The following TMPRSS12 variants were observed in gnomAD, a reference collection of about 807,000 sequenced individuals.
The protein encoded by TMPRSS12 is transmembrane serine protease 12.
TMPRSS12 carries 25 observed loss-of-function variants against 26.0 expected under a neutral mutation model. The observed-to-expected ratio is 0.96, with a 90% confidence interval of 0.70 to 1.34. TMPRSS12 has a LOEUF of 1.34. Ranked by LOEUF, TMPRSS12 falls within the 40% of genes most tolerant of loss-of-function variation. TMPRSS12 has a pLI of 0.00. For missense variants in TMPRSS12, 441 were observed against 440.1 expected, an observed-to-expected ratio of 1.00 and a Z score of -0.02; for synonymous variants, 150 against 161.7, an observed-to-expected ratio of 0.93 and a Z score of 0.55.
chr12:50,859,004 C>T lies in TMPRSS12; in HGVS notation c.603C>T (p.Asp201=), dbSNP rs180975905. 68 of 1,602,538 alleles carry T rather than the reference C, an allele frequency of 4.2e-5. No individual in the cohort carries two copies. Among genetic ancestry groups the T allele is most frequent in the Non-Finnish European group, 5.0e-5 (59 of 1,175,126 alleles). ...CLPFDVFQIL[D]GNTKCFISGW... is the part of the protein sequence containing the mutation. ...CTTTTGATGTTTTCCAAATCCTGGACGGAAACACAAAGTGTTTTATAAGTG... is the reference window on the plus strand; with the variant it reads ...CTTTTGATGTTTTCCAAATCCTGGATGGAAACACAAAGTGTTTTATAAGTG... The change falls in exon 3 of 5, where the codon GAC becomes GAT. Residue 201 remains aspartate, a synonymous_variant. Coordinates refer to ENST00000398458, the MANE Select transcript of TMPRSS12 (RefSeq NM_182559.3).
rs57415141 is a variant in TMPRSS12, at chr12:50,847,978, C to T, written c.383+3941C>T. On this transcript the variant is annotated intron_variant, in intron 2 of 4. Coordinates refer to ENST00000398458, the MANE Select transcript of TMPRSS12 (RefSeq NM_182559.3). ...AGATGCTTAGGTCTGAGTTCTTTCA[C>T]CAGTAATATGAGGTACGGGACTACT... 6 of 151,860 alleles carry T rather than the reference C, an allele frequency of 4.0e-5. No homozygotes were observed. The East Asian group carries it at 1.2e-3, about 29-fold the overall frequency. 9.4% of individuals were successfully genotyped at this position (151,860 alleles called of 1,614,324 possible).
At chr12:50,874,329 A>C (rs1368921253) in intron 3 of TMPRSS12, among the ~76,000 whole-genome samples, 5 of 152,188 alleles carry the variant, frequency 3.3e-5, no homozygotes, top group African/African-American at 4.8e-5. Context: ...AAATGTTAGC[A>C]AACTGAATAC....
At chr12:50,852,310 A>G (rs911887792) in intron 2 of TMPRSS12, among the ~76,000 whole-genome samples, 4 of 152,260 alleles carry the variant, frequency 2.6e-5, no homozygotes, top group South Asian at 4.1e-4. Flanking sequence ...CTCACATGCA[A>G]TGACATCCAT....
At chr12:50,872,649 C>T (rs566709036) in intron 3 of TMPRSS12, among the ~76,000 whole-genome samples, 1 of 52,466 alleles carries the variant, frequency 1.9e-5, no homozygotes, top group Non-Finnish European at 3.5e-5. Flanking sequence ...CGTATATGTA[C>T]ATATATGACG....
chr12:50,843,021 C>T lies in TMPRSS12; in HGVS notation c.57C>T (p.Tyr19=). 3.1e-6 allele frequency: 5 copies of T among 1,606,752 alleles called. No individual in the cohort carries two copies. The highest frequency in any genetic ancestry group is 4.2e-6 in the Non-Finnish European group (5 of 1,176,892). The change falls in exon 1 of 5, where the codon TAC becomes TAT. Residue 19 remains tyrosine, a synonymous_variant. Transcript: ENST00000398458. ...TGTTTGTGGGGAGCTCTCACTTATA[C>T]TCAGACCACTACTCGCCCTCTGGAA... ...ALLFVGSSHL[Y]SDHYSPSGRH...
At chr12:50,887,237 C>T (rs1486120261) in intron 4 of TMPRSS12, 25 bp from the exon 5 acceptor site, 3 of 1,604,894 alleles carry the variant, frequency 1.9e-6, no homozygotes, top group African/African-American at 1.3e-5. Context: ...AAGTAACAAA[C>T]ACTATTTTGG....
intron 3 of TMPRSS12, among the ~76,000 whole-genome samples, chr12:50,862,698 G>A (rs1293550509): frequency 6.6e-6 from 1 of 152,010 alleles, no homozygotes; most frequent in Non-Finnish European, 1.5e-5. Flanking sequence ...GTTAATTTTT[G>A]TATTTTTAGT....
At chr12:50,866,511 A>AG (rs904991458) in intron 3 of TMPRSS12, among the ~76,000 whole-genome samples, 1 of 151,562 alleles carries the variant, frequency 6.6e-6, no homozygotes, top group African/African-American at 2.4e-5. Flanking sequence ...AGACATGCCT[A>AG]GCCCCACCCC....
At chr12:50,859,874 T>G (rs773003620) in intron 3 of TMPRSS12, among the ~76,000 whole-genome samples, 1 of 152,226 alleles carries the variant, frequency 6.6e-6, no homozygotes, top group Non-Finnish European at 1.5e-5. Context: ...CTCAGAATGT[T>G]CTCCATCATT....
intron 4 of TMPRSS12, 42 bp downstream of exon 4, chr12:50,885,430 A>G (rs1487889285): frequency 1.9e-6 from 3 of 1,612,058 alleles, no homozygotes; most frequent in African/African-American, 1.3e-5. Flanking sequence ...TTCTGAAGCC[A>G]GAAGGGAACT....
intron 3 of TMPRSS12, among the ~76,000 whole-genome samples, chr12:50,864,758 C>T (rs915787113): frequency 4.6e-5 from 7 of 152,132 alleles, no homozygotes; most frequent in South Asian, 2.1e-4. Flanking sequence ...CCAGGGTTCA[C>T]GCCATTCTCC....
At chr12:50,883,681 G>A (rs781479306) in intron 3 of TMPRSS12, among the ~76,000 whole-genome samples, 11 of 152,124 alleles carry the variant, frequency 7.2e-5, no homozygotes, top group Non-Finnish European at 1.6e-4. Context: ...GTCTCAAAAA[G>A]TAAATAAATA....
At chr12:50,847,726 T>C (rs1302247157) in intron 2 of TMPRSS12, among the ~76,000 whole-genome samples, 1 of 151,816 alleles carries the variant, frequency 6.6e-6, no homozygotes, top group Non-Finnish European at 1.5e-5. Flanking sequence ...TGAAACCCTG[T>C]CTCTACTAGA....
At position 50,872,930 on chromosome 12, in the gene TMPRSS12, G is replaced by GACGTATATATGTACATATATATGACGTA. The variant is rs1555206517; in HGVS notation, c.653-12316_653-12315insACGTATATATGTACATATATATGACGTA. Among the ~76,000 whole-genome samples the GACGTATATATGTACATATATATGACGTA allele has an allele frequency of 2.8e-4, 18 of 64,150 alleles. 3 individuals are homozygous for GACGTATATATGTACATATATATGACGTA. Among genetic ancestry groups the GACGTATATATGTACATATATATGACGTA allele is most frequent in the Admixed American group, 2.0e-3 (14 of 6,904 alleles). The allele number at this position is 64,150 out of a possible 152,430, so 42.1% of individuals were successfully genotyped here. ...ATGACTATATATGTACATATATGAT[G>GACGTATATATGTACATATATATGACGTA]TATATATGTACATATATATGACGTA... On this transcript the variant is annotated intron_variant, in intron 3 of 4. Coordinates refer to ENST00000398458, the MANE Select transcript of TMPRSS12 (RefSeq NM_182559.3).
intron 3 of TMPRSS12, among the ~76,000 whole-genome samples, chr12:50,864,347 G>C (rs1459460187): frequency 6.6e-6 from 1 of 151,998 alleles, no homozygotes; most frequent in African/African-American, 2.4e-5. Context: ...ACAATAAAAA[G>C]ATCACAAATA....
At chr12:50,855,696 C>CA (rs1937869923) in intron 2 of TMPRSS12, among the ~76,000 whole-genome samples, 1 of 152,180 alleles carries the variant, frequency 6.6e-6, no homozygotes, top group Non-Finnish European at 1.5e-5. Flanking sequence ...CCAGCAATCC[C>CA]ATTACTGGAT....
At chr12:50,852,990 T>C (rs537159824) in intron 2 of TMPRSS12, among the ~76,000 whole-genome samples, 4 of 152,196 alleles carry the variant, frequency 2.6e-5, no homozygotes, top group Non-Finnish European at 5.9e-5. Context: ...CTAATAGCTA[T>C]CTACAGACAC....
intron 2 of TMPRSS12, among the ~76,000 whole-genome samples, chr12:50,849,479 A>G (rs1478032551): frequency 6.7e-6 from 1 of 148,728 alleles, no homozygotes; most frequent in Non-Finnish European, 1.5e-5. Flanking sequence ...AATTACTACA[A>G]TCAAGATTTA....
At chr12:50,873,242 C>T (rs1223166944) in intron 3 of TMPRSS12, among the ~76,000 whole-genome samples, 1 of 152,020 alleles carries the variant, frequency 6.6e-6, no homozygotes, top group African/African-American at 2.4e-5. Context: ...GCAGTGTATA[C>T]TTCTCAGGTG....
Sources: gnomAD v4.1 joint callset for allele counts (sites outside exome capture counted in the v4.1 genomes callset) on GRCh38, gnomAD v4.1.1 for gene constraint, MANE v1.5 for transcripts, NCBI Gene and HGNC (gene_info 2026-07-23, HGNC 2026-07-21) for gene names.